The following TDP1 variants were observed in gnomAD, a reference collection of about 807,000 sequenced individuals.
TDP1 encodes the protein tyrosyl-DNA phosphodiesterase 1.
Under a neutral mutation model 81.5 loss-of-function variants are expected in TDP1, and 64 were observed. The observed-to-expected ratio is 0.79, with a 90% CI of 0.64 to 0.97. TDP1 has a LOEUF of 0.97. Ranked by LOEUF, TDP1 falls within the 50% of genes least tolerant of loss-of-function variation. The pLI, the probability that TDP1 is intolerant of heterozygous loss-of-function variation, is 0.00. For missense variants in TDP1, 723 were observed against 743.8 expected, an observed-to-expected ratio of 0.97 and a Z score of 0.33; for synonymous variants, 256 against 264.3, an observed-to-expected ratio of 0.97 and a Z score of 0.30.
chr14:90,006,686 G>A (rs950757657), intron 14 of TDP1, among the ~76,000 whole-genome samples: 2 of 152,064 alleles, frequency 1.3e-5, no homozygotes, highest in Admixed American at 6.6e-5. Flanking sequence ...ACAGGTGCCC[G>A]CGACCAAGCC....
chr14:90,024,095 C>G lies in TDP1; in HGVS notation c.1644+4677C>G, dbSNP rs34383993. Among the ~76,000 whole-genome samples, 584 of 152,296 alleles carry G rather than the reference C, an allele frequency of 3.8e-3. 1 individual carries two copies. Among genetic ancestry groups the G allele is most frequent in the African/African-American group, 0.014 (566 of 41,550 alleles). ...TCCTCAGTCCACTGTGGGAATGGGC[C>G]TTGTAGACCACAGATCTGGTTTTGT... On this transcript the variant is annotated intron_variant, in intron 15 of 16. Transcript: ENST00000335725.
chr14:89,970,809 C>A, intron 5 of TDP1: 1 of 908,506 alleles, frequency 1.1e-6, no homozygotes, highest in Non-Finnish European at 1.3e-6. Flanking sequence ...AGTCCAGCTT[C>A]ATGAATGATG....
chr14:89,986,381 T>G (rs903447728), intron 10 of TDP1, among the ~76,000 whole-genome samples: 18 of 152,208 alleles, frequency 1.2e-4, no homozygotes, highest in Admixed American at 1.2e-3. Context: ...CTCCCGTGAT[T>G]GTGAGGATTA....
chr14:89,991,613 C>G, intron 12 of TDP1: 1 of 984,946 alleles, frequency 1.0e-6, no homozygotes, highest in Non-Finnish European at 1.2e-6. Context: ...GTTACATGAG[C>G]CTTATTTAAA....
intron 15 of TDP1, among the ~76,000 whole-genome samples, chr14:90,025,460 A>G (rs1286873093): frequency 1.3e-5 from 2 of 152,192 alleles, no homozygotes; most frequent in Non-Finnish European, 2.9e-5. Context: ...CTTGTAAAGT[A>G]TGTTGTCAAT....
At chr14:90,041,766 G>A (rs961611132) in intron 16 of TDP1, among the ~76,000 whole-genome samples, 22 of 152,096 alleles carry the variant, frequency 1.4e-4, no homozygotes, top group South Asian at 4.1e-4. Flanking sequence ...ATGTATTTAC[G>A]GTCTACCCAT....
intron 16 of TDP1, chr14:90,042,830 T>G: frequency 9.0e-4 from 865 of 956,234 alleles, no homozygotes; most frequent in Non-Finnish European, 1.0e-3. Flanking sequence ...CAATTCAAAA[T>G]GAGATTTGGA....
chr14:90,033,552 A>T (rs1388307023), intron 16 of TDP1: 2 of 337,914 alleles, frequency 5.9e-6, no homozygotes, highest in Non-Finnish European at 1.2e-5. Flanking sequence ...TACCCTAAAC[A>T]TGATCAGACC....
At chr14:90,037,136 A>G (rs1304749694) in intron 16 of TDP1, among the ~76,000 whole-genome samples, 1 of 152,214 alleles carries the variant, frequency 6.6e-6, no homozygotes, top group Non-Finnish European at 1.5e-5. Flanking sequence ...ATAAAGCAAA[A>G]TCACCAACTT....
chr14:90,039,416 C>T (rs944569863), intron 16 of TDP1, among the ~76,000 whole-genome samples: 1 of 152,156 alleles, frequency 6.6e-6, no homozygotes, highest in African/African-American at 2.4e-5. Context: ...CCTGCCCCCA[C>T]ACCCTACTTT....
At chr14:89,996,098 T>C (rs1447011354) in intron 14 of TDP1, among the ~76,000 whole-genome samples, 1 of 152,200 alleles carries the variant, frequency 6.6e-6, no homozygotes, top group African/African-American at 2.4e-5. Context: ...CAGAAACTTA[T>C]CCTCTGGACT....
At chr14:89,969,431 T>C (rs1181021982) in intron 5 of TDP1, among the ~76,000 whole-genome samples, 1 of 152,262 alleles carries the variant, frequency 6.6e-6, no homozygotes. Context: ...CTCAGTATGC[T>C]ATTGTTCAGG....
intron 7 of TDP1, among the ~76,000 whole-genome samples, chr14:89,977,443 G>A (rs932752573): frequency 1.8e-4 from 28 of 152,036 alleles, no homozygotes; most frequent in African/African-American, 6.5e-4. Context: ...GACTACAGGC[G>A]TGTGCCACCA....
Position 90,036,816 on chromosome 14 carries a change from TA to T in TDP1, c.1753+3615del, listed in dbSNP as rs10645574. ...TAAAAGAAGCCCCTCCCCCGCCCCT[TA>T]AAAAAAAAAAAAGATAGGGTCTCGC... On this transcript the variant is annotated intron_variant, in intron 16 of 16. Transcript: ENST00000335725. Among the ~76,000 whole-genome samples, 884 of 131,490 alleles carry T rather than the reference TA, an allele frequency of 6.7e-3. 7 individuals are homozygous for T. Among genetic ancestry groups the T allele is most frequent in the South Asian group, 0.027 (109 of 4,014 alleles). 86.3% of individuals were successfully genotyped at this position (131,490 alleles called of 152,430 possible).
At chr14:89,984,255 G>C in intron 8 of TDP1, 1 of 985,450 alleles carries the variant, frequency 1.0e-6, no homozygotes, top group Non-Finnish European at 1.2e-6. Context: ...GAGCATGGAG[G>C]GATGTGGGTT....
chr14:90,039,158 C>T (rs1040300584), intron 16 of TDP1, among the ~76,000 whole-genome samples: 1 of 152,236 alleles, frequency 6.6e-6, no homozygotes, highest in African/African-American at 2.4e-5. Flanking sequence ...TTCTATTCTG[C>T]TGTATATAGT....
chr14:89,968,001 C>A (rs58354699), intron 5 of TDP1, among the ~76,000 whole-genome samples: 3 of 152,048 alleles, frequency 2.0e-5, no homozygotes, highest in Non-Finnish European at 2.9e-5. Flanking sequence ...GGCAGATTCC[C>A]ATAACAGCAA....
chr14:89,968,301 G>C (rs905030602), intron 5 of TDP1, among the ~76,000 whole-genome samples: 1 of 152,094 alleles, frequency 6.6e-6, no homozygotes, highest in Non-Finnish European at 1.5e-5. Context: ...TGGTCTAGAT[G>C]GGGGCACCAG....
chr14:89,962,496 T>A (rs1382865931), intron 2 of TDP1, among the ~76,000 whole-genome samples: 4 of 152,154 alleles, frequency 2.6e-5, no homozygotes, highest in African/African-American at 4.8e-5. Context: ...AGAATGAATG[T>A]TTGTTTTATT....
Sources: allele counts gnomAD v4.1 joint callset (sites outside exome capture counted in the v4.1 genomes callset), GRCh38; gene constraint gnomAD v4.1.1; transcripts MANE v1.5; gene names NCBI Gene and HGNC (gene_info 2026-07-23, HGNC 2026-07-21).